The following PDGFD variants were observed in gnomAD, a reference collection of about 807,000 sequenced individuals.
The protein encoded by PDGFD is platelet-derived growth factor D.
In PDGFD, 30 loss-of-function variants were observed where a neutral mutation model predicts 44.7. That is an observed-to-expected ratio of 0.67 (90% CI 0.50 to 0.91). The LOEUF is 0.91. Among genes scored for constraint, PDGFD ranks in the 40% least tolerant of loss-of-function variants. The probability of loss-of-function intolerance (pLI) is 0.00; values close to 1 mark genes in which losing one functional copy is unlikely to be tolerated. For synonymous variants in PDGFD, 173 were observed against 168.4 expected (o/e 1.03, Z -0.21); for missense variants, 445 against 457.8 (o/e 0.97, Z 0.25).
At chr11:103,956,453 G>C (rs12282273) in intron 3 of PDGFD, among the ~76,000 whole-genome samples, 1 of 101,480 alleles carries the variant, frequency 9.9e-6, no homozygotes, top group Non-Finnish European at 1.9e-5. Context: ...TCTTAATCCA[G>C]TCTATCACAT....
intron 1 of PDGFD, among the ~76,000 whole-genome samples, chr11:104,075,776 T>G (rs573397897): frequency 6.6e-5 from 10 of 152,300 alleles, no homozygotes; most frequent in African/African-American, 2.4e-4. Flanking sequence ...TGCCAGGTAT[T>G]GTGATTGTCT....
intron 6 of PDGFD, among the ~76,000 whole-genome samples, chr11:103,910,787 T>C (rs1446321327): frequency 8.1e-6 from 1 of 122,928 alleles, no homozygotes; most frequent in Non-Finnish European, 1.8e-5. Context: ...TCTGGCTCAG[T>C]GGGTCCCACC....
intron 1 of PDGFD, among the ~76,000 whole-genome samples, chr11:104,067,494 A>C (rs1032022730): frequency 1.3e-5 from 2 of 152,170 alleles, no homozygotes; most frequent in Admixed American, 6.5e-5. Flanking sequence ...AATCAAATAA[A>C]ACACACACAT....
At chr11:103,986,402 C>T (rs1381690364) in intron 3 of PDGFD, among the ~76,000 whole-genome samples, 1 of 152,204 alleles carries the variant, frequency 6.6e-6, no homozygotes, top group African/African-American at 2.4e-5. Flanking sequence ...ATAAAACTCA[C>T]TGTGGGCTCC....
At chr11:104,075,114 A>G (rs376710936) in intron 1 of PDGFD, among the ~76,000 whole-genome samples, 5 of 152,322 alleles carry the variant, frequency 3.3e-5, no homozygotes, top group Admixed American at 1.3e-4. Flanking sequence ...CTGTAATGCC[A>G]TAACATGAAA....
At chr11:104,019,703 G>T (rs1213790816) in intron 1 of PDGFD, among the ~76,000 whole-genome samples, 3 of 152,154 alleles carry the variant, frequency 2.0e-5, no homozygotes, top group Non-Finnish European at 4.4e-5. Context: ...TGATCTGGGG[G>T]AAAGATTATC....
intron 1 of PDGFD, among the ~76,000 whole-genome samples, chr11:104,098,111 T>A (rs1241367867): frequency 6.6e-6 from 1 of 152,188 alleles, no homozygotes; most frequent in Non-Finnish European, 1.5e-5. Context: ...GTTCTCAACT[T>A]CTACATGAAA....
At chr11:104,119,867 T>C (rs911808206) in intron 1 of PDGFD, among the ~76,000 whole-genome samples, 1 of 80,768 alleles carries the variant, frequency 1.2e-5, no homozygotes, top group Admixed American at 1.8e-4. Flanking sequence ...ATATTATATA[T>C]ATAATCAATT....
At chr11:104,113,387 A>G (rs976004054) in intron 1 of PDGFD, among the ~76,000 whole-genome samples, 5 of 152,102 alleles carry the variant, frequency 3.3e-5, no homozygotes, top group African/African-American at 1.2e-4. Context: ...AGAATAACAG[A>G]GTGATGCATG....
chr11:103,994,037 T>C (rs1478270792), intron 3 of PDGFD, among the ~76,000 whole-genome samples: 1 of 152,174 alleles, frequency 6.6e-6, no homozygotes, highest in Non-Finnish European at 1.5e-5. Context: ...CCACTTAAAA[T>C]TGACCAAGAA....
chr11:104,116,822 A>G (rs1861647662), intron 1 of PDGFD, among the ~76,000 whole-genome samples: 1 of 152,010 alleles, frequency 6.6e-6, no homozygotes, highest in African/African-American at 2.4e-5. Context: ...AAGTCTCACA[A>G]GATCTGATGG....
At chr11:103,969,146 A>G (rs1309861762) in intron 3 of PDGFD, among the ~76,000 whole-genome samples, 1 of 152,196 alleles carries the variant, frequency 6.6e-6, no homozygotes, top group Admixed American at 6.5e-5. Flanking sequence ...CGCAGCTGCC[A>G]GTATAGTGCC....
At chr11:104,079,534 C>T (rs898256502) in intron 1 of PDGFD, among the ~76,000 whole-genome samples, 4 of 151,972 alleles carry the variant, frequency 2.6e-5, no homozygotes, top group Admixed American at 2.6e-4. Flanking sequence ...ATTACAGGTG[C>T]CTGCCGCCAC....
chr11:103,975,011 A>G (rs992202687), intron 3 of PDGFD, among the ~76,000 whole-genome samples: 7 of 152,230 alleles, frequency 4.6e-5, no homozygotes, highest in African/African-American at 1.7e-4. Flanking sequence ...GTATATACCC[A>G]GTAATGGGAT....
intron 6 of PDGFD, among the ~76,000 whole-genome samples, chr11:103,913,002 A>G (rs1246654324): frequency 2.0e-5 from 3 of 152,186 alleles, no homozygotes; most frequent in Non-Finnish European, 4.4e-5. Flanking sequence ...AGAGACCTAC[A>G]AAGAGACTTT....
intron 1 of PDGFD, among the ~76,000 whole-genome samples, chr11:104,100,369 A>G (rs923975565): frequency 6.6e-6 from 1 of 152,218 alleles, no homozygotes; most frequent in Admixed American, 6.5e-5. Flanking sequence ...TCTAGAAGAA[A>G]TGGATAAATT....
rs1426622161 is a variant in PDGFD, at chr11:104,025,434, T to C, written c.125-25179A>G. On this transcript the variant is annotated intron_variant, in intron 1 of 6. Transcript: ENST00000393158. ...AACAAACACAACACAATGGATACAATGGATAAAATATAAAACCCTCCCACG... is the reference window on the plus strand; with the variant it reads ...AACAAACACAACACAATGGATACAACGGATAAAATATAAAACCCTCCCACG... Among the ~76,000 whole-genome samples the C allele has an allele frequency of 5.9e-5, 9 of 152,280 alleles. No homozygotes were observed. In the South Asian group the frequency reaches 1.0e-3, roughly 18 times the overall value.
rs546187609 is a variant in PDGFD at position 103,919,764 on chromosome 11, C to T, written c.987+7148G>A. On this transcript the variant is annotated intron_variant, in intron 6 of 6. Coordinates refer to ENST00000393158, the MANE Select transcript of PDGFD (RefSeq NM_025208.5). ...CCTCAGGTGATCTGCCTGCCTCAGC[C>T]TCCCAAAATGCTGGGATTACAGGCA... Among the ~76,000 whole-genome samples the T allele has an allele frequency of 8.5e-5, 13 of 152,116 alleles. No homozygotes were observed. The South Asian group carries it at 2.7e-3, about 32-fold the overall frequency.
intron 3 of PDGFD, among the ~76,000 whole-genome samples, chr11:103,987,713 G>T (rs569449374): frequency 6.6e-6 from 1 of 152,254 alleles, no homozygotes; most frequent in African/African-American, 2.4e-5. Context: ...CTAAAATAAA[G>T]AAAGGCTAGT....
Sources: allele counts gnomAD v4.1 joint callset (sites outside exome capture counted in the v4.1 genomes callset), GRCh38; gene constraint gnomAD v4.1.1; transcripts MANE v1.5; gene names NCBI Gene and HGNC (gene_info 2026-07-23, HGNC 2026-07-21).